The following NEGR1 variants were observed in gnomAD, a reference collection of about 807,000 sequenced individuals.
NEGR1 encodes the protein IgLON family member 4.
In NEGR1, 10 loss-of-function variants were observed where a neutral mutation model predicts 40.9. The observed-to-expected ratio is 0.24, with a 90% confidence interval of 0.15 to 0.42. The LOEUF (loss-of-function observed/expected upper bound fraction) is 0.42, where lower values mean the gene tolerates loss of function less well. Among genes scored for constraint, NEGR1 ranks in the 10% least tolerant of loss-of-function variants. The pLI, the probability that NEGR1 is intolerant of heterozygous loss-of-function variation, is 1.00. For synonymous variants in NEGR1, 185 were observed against 166.8 expected, an observed-to-expected ratio of 1.11 and a Z score of -0.84; for missense variants, 352 against 438.9, an observed-to-expected ratio of 0.80 and a Z score of 1.77.
At chr1:71,769,295 A>G (rs1045474088) in intron 3 of NEGR1, among the ~76,000 whole-genome samples, 3 of 152,166 alleles carry the variant, frequency 2.0e-5, no homozygotes, top group Non-Finnish European at 4.4e-5. Flanking sequence ...AGAAGTTTAC[A>G]GTGATTTTTA....
intron 1 of NEGR1, among the ~76,000 whole-genome samples, chr1:72,238,372 G>C (rs1239881097): frequency 6.6e-6 from 1 of 151,890 alleles, no homozygotes; most frequent in Non-Finnish European, 1.5e-5. Flanking sequence ...TAATTTTACA[G>C]TGTATTCTGT....
chr1:72,050,568 C>A (rs1647049829), intron 1 of NEGR1, among the ~76,000 whole-genome samples: 1 of 151,482 alleles, frequency 6.6e-6, no homozygotes, highest in South Asian at 2.1e-4. Flanking sequence ...TTATTCCTAT[C>A]CATGGTTGAC....
chr1:71,776,469 T>C (rs868746545), intron 2 of NEGR1, among the ~76,000 whole-genome samples, 172 bp from the exon 3 acceptor site: 3 of 151,982 alleles, frequency 2.0e-5, no homozygotes, highest in Non-Finnish European at 1.5e-5. Flanking sequence ...TTTCTAGGAG[T>C]TTTTTATTAG....
rs553773301 is a variant in NEGR1, at chr1:71,978,535, A to G, written c.177-43224T>C. On this transcript the variant is annotated intron_variant, in intron 1 of 6. Transcript: ENST00000357731. The stretch of plus-strand genomic sequence containing the variant: ...CAATTCAAAAAGCAACCCCATTAAA[A>G]AGTGGGCAAAGGACATAAACAGACA... Among the ~76,000 whole-genome samples, 3 of 152,286 alleles carry G rather than the reference A, an allele frequency of 2.0e-5. No homozygotes were observed. In the South Asian group the frequency reaches 6.2e-4, roughly 32 times the overall value.
chr1:71,613,654 T>TC (rs1230713891), intron 4 of NEGR1, among the ~76,000 whole-genome samples: 2 of 142,580 alleles, frequency 1.4e-5, no homozygotes, highest in Non-Finnish European at 1.5e-5. Context: ...AAACTCCATC[T>TC]CGAAAAAAAA....
At chr1:71,862,089 A>G (rs1424355461) in intron 2 of NEGR1, among the ~76,000 whole-genome samples, 1 of 152,084 alleles carries the variant, frequency 6.6e-6, no homozygotes, top group African/African-American at 2.4e-5. Flanking sequence ...TGTAATCCAT[A>G]TTGTTTTTCT....
chr1:71,568,678 A>G (rs978261544), intron 6 of NEGR1, among the ~76,000 whole-genome samples: 1 of 152,116 alleles, frequency 6.6e-6, no homozygotes, highest in African/African-American at 2.4e-5. Context: ...ATATACATAT[A>G]TTGTTTGTAT....
At chr1:71,434,316 C>G (rs1201514033) in intron 6 of NEGR1, among the ~76,000 whole-genome samples, 2 of 152,108 alleles carry the variant, frequency 1.3e-5, no homozygotes, top group African/African-American at 2.4e-5. Flanking sequence ...GTGCATAGTG[C>G]TACTCAGTCC....
chr1:71,894,591 A>T (rs536289913), intron 2 of NEGR1, among the ~76,000 whole-genome samples: 1 of 152,366 alleles, frequency 6.6e-6, no homozygotes, highest in South Asian at 2.1e-4. Flanking sequence ...ATACTGTTTG[A>T]CAAATCCAAT....
At chr1:72,205,005 T>A (rs1232335433) in intron 1 of NEGR1, among the ~76,000 whole-genome samples, 2 of 151,814 alleles carry the variant, frequency 1.3e-5, no homozygotes, top group Non-Finnish European at 2.9e-5. Flanking sequence ...AAAGCAAACA[T>A]GAAACTTTAC....
intron 1 of NEGR1, among the ~76,000 whole-genome samples, chr1:71,959,906 G>A (rs1050410593): frequency 2.6e-5 from 4 of 151,848 alleles, no homozygotes; most frequent in East Asian, 1.9e-4. Context: ...AGACAGAAAC[G>A]GCATTATCAA....
intron 2 of NEGR1, among the ~76,000 whole-genome samples, chr1:71,910,165 G>T (rs1448189031): frequency 6.6e-6 from 1 of 152,018 alleles, no homozygotes; most frequent in East Asian, 1.9e-4. Flanking sequence ...AATATTTAAC[G>T]AACACCTATT....
At chr1:71,852,962 C>T (rs1337757566) in intron 2 of NEGR1, among the ~76,000 whole-genome samples, 1 of 151,996 alleles carries the variant, frequency 6.6e-6, no homozygotes. Context: ...GTCTAGAGAT[C>T]ACAGAGATTT....
At chr1:72,039,744 T>C (rs1163580822) in intron 1 of NEGR1, among the ~76,000 whole-genome samples, 1 of 151,972 alleles carries the variant, frequency 6.6e-6, no homozygotes, top group Non-Finnish European at 1.5e-5. Context: ...TAGTTTCTTG[T>C]ATTAAGTGCA....
At chr1:72,156,881 A>G (rs1651376608) in intron 1 of NEGR1, among the ~76,000 whole-genome samples, 1 of 152,126 alleles carries the variant, frequency 6.6e-6, no homozygotes, top group Admixed American at 6.6e-5. Context: ...GAAATTTCCT[A>G]CCTTCCAGAT....
At chr1:71,617,272 G>C (rs1650476877) in intron 4 of NEGR1, among the ~76,000 whole-genome samples, 1 of 152,180 alleles carries the variant, frequency 6.6e-6, no homozygotes, top group Admixed American at 6.5e-5. Flanking sequence ...GGTGGCACGT[G>C]TTCCTCCTTT....
chr1:71,970,426 C>T (rs781733943), intron 1 of NEGR1, among the ~76,000 whole-genome samples: 5 of 152,166 alleles, frequency 3.3e-5, no homozygotes, highest in Admixed American at 6.5e-5. Flanking sequence ...ACTAGGGGCT[C>T]ACACCTGTAA....
At chr1:71,661,075 C>A (rs6424438) in intron 4 of NEGR1, among the ~76,000 whole-genome samples, 71,780 of 152,022 alleles carry the variant, frequency 0.47, 17,011 homozygotes, top group Middle Eastern at 0.54. Context: ...GTGTATGTGC[C>A]ACATTTTCTT....
chr1:72,153,111 T>A (rs1651186510), intron 1 of NEGR1, among the ~76,000 whole-genome samples: 2 of 151,738 alleles, frequency 1.3e-5, no homozygotes, highest in Admixed American at 1.3e-4. Context: ...ATGTACCCTC[T>A]GTATCTAAAA....
Sources: gnomAD v4.1 joint callset for allele counts (sites outside exome capture counted in the v4.1 genomes callset) on GRCh38, gnomAD v4.1.1 for gene constraint, MANE v1.5 for transcripts, NCBI Gene and HGNC (gene_info 2026-07-23, HGNC 2026-07-21) for gene names.